The following SULF1 variants were observed in gnomAD, a reference collection of about 807,000 sequenced individuals.
SULF1 encodes the protein extracellular sulfatase Sulf-1.
In SULF1, 46 loss-of-function variants were observed where a neutral mutation model predicts 110.5. That is an observed-to-expected ratio of 0.42 (90% confidence interval 0.33 to 0.53). The LOEUF is 0.53. Ranked by LOEUF, SULF1 falls within the 20% of genes least tolerant of loss-of-function variation. The pLI is 0.12. For missense variants in SULF1, 941 were observed against 1,094.2 expected (o/e 0.86, Z 1.98); for synonymous variants, 371 against 387.1 (o/e 0.96, Z 0.49).
rs1434530398 is a variant in SULF1 at position 69,659,491 on chromosome 8, AT to A, written c.*957del. ...GGTGTGCACACGGAGACTCATCGTT[AT>A]AATTTACTATCTGCCAAGAGTAGAA... On this transcript the variant is annotated 3_prime_UTR_variant, in exon 23 of 23. Transcript: ENST00000402687. 1.9e-4 allele frequency: 51 copies of A among 266,768 alleles called. No homozygotes were observed. The highest frequency in any genetic ancestry group is 1.1e-3 in the African/African-American group (51 of 44,908). The allele number at this position is 266,768 out of a possible 1,614,324, so 16.5% of individuals were successfully genotyped here.
At chr8:69,626,616 G>A (rs1047711781) in intron 15 of SULF1, among the ~76,000 whole-genome samples, 2 of 152,240 alleles carry the variant, frequency 1.3e-5, no homozygotes, top group Non-Finnish European at 2.9e-5. Context: ...CTGCAGTCCC[G>A]AGGCCTGCCC....
At chr8:69,585,672 T>A (rs1187653566) in intron 6 of SULF1, among the ~76,000 whole-genome samples, 2 of 152,246 alleles carry the variant, frequency 1.3e-5, no homozygotes, top group Non-Finnish European at 2.9e-5. Flanking sequence ...TCTACTATAC[T>A]ATAATTGTAT....
chr8:69,637,728 G>A (rs572108155), intron 19 of SULF1: 2 of 152,536 alleles, frequency 1.3e-5, no homozygotes, highest in Non-Finnish European at 2.9e-5. Flanking sequence ...AGGATCACTT[G>A]AGCCCAGGAG....
At position 69,576,177 on chromosome 8, in the gene SULF1, C is replaced by G; in HGVS notation, c.380C>G (p.Ala127Gly). Residue 127 changes from alanine to glycine, a missense_variant, in exon 6 of 23, where the codon GCT becomes GGT. By Grantham distance (60) the Ala-to-Gly change is moderately conservative (BLOSUM62 0). Around this residue, in one of 3 missense-constraint regions of SULF1, gnomAD observed 822 missense variants for 934.3 expected, o/e 0.88. Coordinates refer to ENST00000402687, the MANE Select transcript of SULF1 (RefSeq NM_001128205.2). ...WQAMHEPRTF[A>G]VYLNNTGYRT... ...GCCATGCATGAGCCTCGGACTTTTG[C>G]TGTATATCTTAACAACACTGGCTAC... is the stretch of plus-strand genomic sequence containing the variant. The G allele has an allele frequency of 6.2e-7, 1 of 1,614,166 alleles. No homozygotes were observed. Among genetic ancestry groups the G allele is most frequent in the Non-Finnish European group, 8.5e-7 (1 of 1,180,022 alleles).
At chr8:69,526,548 G>A (rs1242875271) in intron 3 of SULF1, among the ~76,000 whole-genome samples, 1 of 147,544 alleles carries the variant, frequency 6.8e-6, no homozygotes, top group African/African-American at 2.5e-5. Flanking sequence ...GATTACTTAA[G>A]CCCAAGAATT....
chr8:69,632,375 A>C (rs948655672), intron 19 of SULF1, among the ~76,000 whole-genome samples: 1 of 152,226 alleles, frequency 6.6e-6, no homozygotes, highest in Non-Finnish European at 1.5e-5. Context: ...ACACAAGTAT[A>C]TATGTGTATC....
At chr8:69,635,623 A>C (rs1810932214) in intron 19 of SULF1, among the ~76,000 whole-genome samples, 1 of 152,148 alleles carries the variant, frequency 6.6e-6, no homozygotes, top group Admixed American at 6.5e-5. Flanking sequence ...TGTAAGCCCA[A>C]CACTTTGAGA....
At chr8:69,582,759 C>T (rs1191068251) in intron 6 of SULF1, among the ~76,000 whole-genome samples, 2 of 151,242 alleles carry the variant, frequency 1.3e-5, no homozygotes, top group African/African-American at 2.4e-5. Flanking sequence ...AAGGAAAGCA[C>T]GGGGCTTGAG....
intron 1 of SULF1, among the ~76,000 whole-genome samples, chr8:69,468,696 G>A (rs192022206): frequency 3.3e-5 from 5 of 152,170 alleles, no homozygotes; most frequent in Non-Finnish European, 5.9e-5. Context: ...CTAATATCTC[G>A]TGTTGTATCA....
intron 1 of SULF1, among the ~76,000 whole-genome samples, chr8:69,472,174 T>A (rs142252317): frequency 2.6e-5 from 4 of 152,322 alleles, no homozygotes; most frequent in Non-Finnish European, 4.4e-5. Context: ...CCTGGGCCAC[T>A]GTGCTATGCT....
chr8:69,635,775 T>G lies in SULF1; in HGVS notation c.2285-2727T>G, dbSNP rs1345006941. 2.0e-5 allele frequency among the ~76,000 whole-genome samples: 3 copies of G among 151,956 alleles called. No homozygotes were observed. In the East Asian group the frequency reaches 5.8e-4, roughly 29 times the overall value. ...GTCCCAGCACCACAGGCGGCTGAAC[T>G]GACAGGATCACTTGAGCCTGGGAGG... is the stretch of plus-strand genomic sequence containing the variant. On this transcript the variant is annotated intron_variant, in intron 19 of 22. Coordinates refer to ENST00000402687, the MANE Select transcript of SULF1 (RefSeq NM_001128205.2).
Position 69,658,999 on chromosome 8 carries a change from A to C in SULF1, c.*464A>C. 1 of 457,480 alleles carries C rather than the reference A, an allele frequency of 2.2e-6. No homozygotes were observed. Among genetic ancestry groups the C allele is most frequent in the Non-Finnish European group, 4.4e-6 (1 of 227,308 alleles). 28.3% of individuals were successfully genotyped at this position (457,480 alleles called of 1,614,324 possible). ...AAAATGGACGGGGCATGAAGAGACT[A>C]ATCATCTGGAAACCGATTTCAGTGG... On this transcript the variant is annotated 3_prime_UTR_variant, in exon 23 of 23. Transcript: ENST00000402687.
In SULF1 at chr8:69,501,937, C is replaced by T. The variant is rs777310868; in HGVS notation, c.-165C>T. 2.6e-5 allele frequency: 4 copies of T among 152,214 alleles called. No individual in the cohort carries two copies. The highest frequency in any genetic ancestry group is 1.5e-5 in the Non-Finnish European group (1 of 68,050). The allele number at this position is 152,214 out of a possible 1,614,324, so 9.4% of individuals were successfully genotyped here. On this transcript the variant is annotated 5_prime_UTR_variant, in exon 3 of 23. The change creates a premature stop within an existing upstream ORF in the 5' untranslated region. Coordinates refer to ENST00000402687, the MANE Select transcript of SULF1 (RefSeq NM_001128205.2). ...CTTGGCAAATGACATGCAGGTTCTT[C>T]AAGGCAGAATAATTGCAGAAAATCT...
intron 1 of SULF1, among the ~76,000 whole-genome samples, chr8:69,485,493 C>T (rs947633864): frequency 1.3e-5 from 2 of 152,174 alleles, no homozygotes; most frequent in African/African-American, 4.8e-5. Flanking sequence ...CTGTCTGTCA[C>T]CCTTGCCTCA....
At chr8:69,494,617 A>G (rs1374272746) in intron 1 of SULF1, among the ~76,000 whole-genome samples, 2 of 152,230 alleles carry the variant, frequency 1.3e-5, no homozygotes, top group East Asian at 1.9e-4. Flanking sequence ...TAATTTGATT[A>G]CAAAGATGAA....
intron 22 of SULF1, among the ~76,000 whole-genome samples, chr8:69,657,788 G>A (rs1238391261): frequency 1.3e-5 from 2 of 152,176 alleles, no homozygotes; most frequent in Non-Finnish European, 2.9e-5. Flanking sequence ...CACAACTAGA[G>A]AACAAGTGTT....
At chr8:69,515,168 C>T (rs189831510) in intron 3 of SULF1, among the ~76,000 whole-genome samples, 285 of 152,272 alleles carry the variant, frequency 1.9e-3, no homozygotes, top group Non-Finnish European at 3.3e-3. Context: ...AGTAGAGGCT[C>T]TCCACAGGGC....
In SULF1 at chr8:69,586,077, C is replaced by T. The variant is rs77825802; in HGVS notation, c.413-280C>T. On this transcript the variant is annotated intron_variant, in intron 6 of 22. Transcript: ENST00000402687. Reference sequence around the variant, plus strand: ...TAGCCTGATTTTACTCCAGTAGGACCATAAGAAATGAATGCACCCAGAGTG... The same window carrying T: ...TAGCCTGATTTTACTCCAGTAGGACTATAAGAAATGAATGCACCCAGAGTG... Among the ~76,000 whole-genome samples the T allele has an allele frequency of 7.7e-3, 1,174 of 152,258 alleles. 4 individuals carry two copies. Among genetic ancestry groups the T allele is most frequent in the Non-Finnish European group, 0.013 (851 of 68,014 alleles).
At chr8:69,485,764 AC>A (rs1809680270) in intron 1 of SULF1, among the ~76,000 whole-genome samples, 1 of 152,136 alleles carries the variant, frequency 6.6e-6, no homozygotes, top group Non-Finnish European at 1.5e-5. Flanking sequence ...GTACAGTTTC[AC>A]ATTTGTAATC....
Sources: allele counts gnomAD v4.1 joint callset (sites outside exome capture counted in the v4.1 genomes callset), GRCh38; gene constraint gnomAD v4.1.1; regional missense constraint gnomAD v4.1.1; transcripts MANE v1.5; gene names NCBI Gene and HGNC (gene_info 2026-07-23, HGNC 2026-07-21).